LSS: variants seen among roughly 807,000 people sequenced by gnomAD.
LSS encodes 2,3-epoxysqualene-lanosterol cyclase.
A neutral mutation model predicts 110.3 loss-of-function variants in LSS; 90 were observed. That is an observed-to-expected ratio of 0.82 (90% CI 0.69 to 0.97). The LOEUF (loss-of-function observed/expected upper bound fraction) is 0.97. Among genes scored for constraint, LSS ranks in the 50% least tolerant of loss-of-function variants. LSS has a pLI of 0.00. For synonymous variants in LSS, 433 were observed against 400.0 expected, an observed-to-expected ratio of 1.08 and a Z score of -0.98; for missense variants, 927 against 990.0, an observed-to-expected ratio of 0.94 and a Z score of 0.85.
At position 46,190,927 on chromosome 21, in the gene LSS, TA is replaced by T; in HGVS notation, c.*176del. ...GAACCTACAGTAAAAATCAAGAGTC[TA>T]AGCCACCCACCCTGTCCCCATCCCT... On this transcript the variant is annotated 3_prime_UTR_variant, in exon 22 of 22. Coordinates refer to ENST00000397728, the MANE Select transcript of LSS (RefSeq NM_002340.6). The surrounding 1 kb of genome is among the most constrained non-coding windows in gnomAD (Gnocchi z 4.6). 1.5e-6 allele frequency: 1 copy of T among 676,032 alleles called. No individual in the cohort carries two copies. The highest frequency in any genetic ancestry group is 2.4e-6 in the Non-Finnish European group (1 of 419,768). 41.9% of individuals were successfully genotyped at this position (676,032 alleles called of 1,614,324 possible).
At chr21:46,228,671 G>A (rs1398431064) in intron 1 of LSS, 61 bp downstream of exon 1, 1 of 1,599,780 alleles carries the variant, frequency 6.3e-7, no homozygotes, top group East Asian at 2.2e-5. Context: ...CCCCAGTCGC[G>A]CTCTCCTCAG....
intron 16 of LSS, 75 bp from the exon 17 acceptor site, chr21:46,206,016 C>T (rs1411211179): frequency 8.5e-7 from 1 of 1,169,758 alleles, no homozygotes; most frequent in Non-Finnish European, 1.2e-6. Context: ...GGCAAAGCCA[C>T]AACAAGCAAG....
At chr21:46,214,056 GGCCACA>G (rs2080169095) in intron 9 of LSS, among the ~76,000 whole-genome samples, 1 of 152,242 alleles carries the variant, frequency 6.6e-6, no homozygotes, top group African/African-American at 2.4e-5. Flanking sequence ...TGTCGGCCAA[GGCCACA>G]GCCTGCCTTA....
Position 46,219,388 on chromosome 21 carries a change from C to T in LSS, c.647+88G>A, listed in dbSNP as rs527896110. The T allele has an allele frequency of 9.0e-6, 8 of 885,846 alleles. No individual in the cohort carries two copies. In the East Asian group the frequency reaches 2.5e-4, roughly 27 times the overall value. 54.9% of individuals were successfully genotyped at this position (885,846 alleles called of 1,614,324 possible). A position where few individuals can be genotyped will look rare whatever the true frequency, so the allele number is the denominator to read the frequency against. Reference sequence around the variant, plus strand: ...CAGAATGCCCACCCCTCTCTGCTGTCACAGCCTGCACCTGACCCACGGTCC... The same window carrying T: ...CAGAATGCCCACCCCTCTCTGCTGTTACAGCCTGCACCTGACCCACGGTCC... On this transcript the variant is annotated intron_variant, in intron 6 of 21. Transcript: ENST00000397728.
At chr21:46,206,636 C>T (rs370005781) in intron 16 of LSS, 36 bp downstream of exon 16, 10 of 1,567,220 alleles carry the variant, frequency 6.4e-6, no homozygotes, top group African/African-American at 2.7e-5. Context: ...TAGCCAGCCC[C>T]GGGTTTGCGC....
chr21:46,203,518 T>G (rs141920880), intron 17 of LSS, among the ~76,000 whole-genome samples: 18 of 152,382 alleles, frequency 1.2e-4, no homozygotes, highest in African/African-American at 2.9e-4. Context: ...CTCTGTATTT[T>G]GCAAGTCTTG....
In LSS at chr21:46,209,711, T is replaced by A. The variant is rs1601431212; in HGVS notation, c.1195-86A>T. On this transcript the variant is annotated intron_variant, in intron 12 of 21. Transcript: ENST00000397728. The surrounding 1 kb of genome is among the most constrained non-coding windows in gnomAD (Gnocchi z 4.4). ...TGGTTTCCCGATGGTCCTGGCCACA[T>A]CCTGCCCCAACCGGGGACCAGAATC... 8.5e-7 allele frequency: 1 copy of A among 1,182,726 alleles called. No homozygotes were observed. The highest frequency in any genetic ancestry group is 1.2e-6 in the Non-Finnish European group (1 of 816,122). The allele number at this position is 1,182,726 out of a possible 1,614,324, so 73.3% of individuals were successfully genotyped here.
chr21:46,214,081 G>A (rs756673259), intron 9 of LSS, among the ~76,000 whole-genome samples: 6 of 152,246 alleles, frequency 3.9e-5, no homozygotes, highest in Non-Finnish European at 7.3e-5. Context: ...TAGGCTGTGA[G>A]AAGGAGCAGC....
Position 46,206,708 on chromosome 21 carries a change from GC to G in LSS, c.1527del (p.His510ThrfsTer6). ...GFATYETKRG[G>X]HLLELLNPSE... ...GAGGGGTTCAGCAGCTCCAGCAAGTGCCCCCCACGCTTGGTCTCATAGGTGG... is the reference window on the plus strand; with the variant it reads ...GAGGGGTTCAGCAGCTCCAGCAAGTGCCCCCACGCTTGGTCTCATAGGTGG... On this transcript the variant is annotated frameshift_variant, in exon 16 of 22. Transcript: ENST00000397728. LOFTEE classifies it high-confidence loss of function. 2.5e-6 allele frequency: 4 copies of G among 1,612,940 alleles called. No individual in the cohort carries two copies.
chr21:46,192,136 C>G, intron 20 of LSS, 177 bp from the exon 21 acceptor site: 1 of 633,260 alleles, frequency 1.6e-6, no homozygotes. Flanking sequence ...TCTTGCCACA[C>G]CTTCTTCCTA....
At chr21:46,192,894 T>C in intron 20 of LSS, 1 of 444,660 alleles carries the variant, frequency 2.2e-6, no homozygotes, top group South Asian at 1.6e-5. Context: ...TGCCTGTGCA[T>C]GTGTACATGT....
chr21:46,200,325 C>A (rs2079963238), intron 17 of LSS, among the ~76,000 whole-genome samples: 1 of 152,072 alleles, frequency 6.6e-6, no homozygotes, highest in Middle Eastern at 3.2e-3. Flanking sequence ...CAAATGCTAA[C>A]ACTAACAGGT....
intron 20 of LSS, chr21:46,192,299 CACTT>C (rs1440673396): frequency 4.5e-6 from 2 of 440,608 alleles, no homozygotes; most frequent in Non-Finnish European, 8.4e-6. Context: ...CAGGAGCTCA[CACTT>C]GCTTGCTGGC....
chr21:46,204,026 C>CCCACCTGTAA, intron 17 of LSS, among the ~76,000 whole-genome samples: 4 of 152,308 alleles, frequency 2.6e-5, no homozygotes, highest in Admixed American at 1.3e-4. Flanking sequence ...AGTGTGGTGG[C>CCCACCTGTAA]TCACACCTGT....
At position 46,207,505 on chromosome 21, in the gene LSS, C is replaced by G; in HGVS notation, c.1390G>C (p.Val464Leu). ...GGACACTTCTCCTGCAGGAGCAGCA[C>G]AGCCTTCAAGGCCTCAGCCGTGCAG... ...SDCTAEALKA[V>L]LLLQEKCPHV... The change falls in exon 15 of 22, where the codon GTG becomes CTG. Residue 464 changes from valine (V) to leucine (L), a missense_variant. Coordinates refer to ENST00000397728, the MANE Select transcript of LSS (RefSeq NM_002340.6). 1 of 1,612,456 alleles carries G rather than the reference C, an allele frequency of 6.2e-7. No homozygotes were observed. The highest frequency in any genetic ancestry group is 8.5e-7 in the Non-Finnish European group (1 of 1,179,500).
At chr21:46,215,109 G>C (rs753001459) in intron 9 of LSS, 71 bp downstream of exon 9, 2 of 1,300,600 alleles carry the variant, frequency 1.5e-6, no homozygotes, top group Non-Finnish European at 1.1e-6. Flanking sequence ...CTCACAGCCC[G>C]GCCTCTAGGA....
chr21:46,220,193 C>CTT (rs1274469314), intron 5 of LSS: 1 of 152,342 alleles, frequency 6.6e-6, no homozygotes, highest in East Asian at 1.9e-4. Flanking sequence ...ATGCAAAAGT[C>CTT]AATAAAGACC....
intron 13 of LSS, among the ~76,000 whole-genome samples, chr21:46,208,719 C>A (rs1008821411): frequency 6.6e-6 from 1 of 152,116 alleles, no homozygotes; most frequent in Admixed American, 6.5e-5. Flanking sequence ...CCTGGAGTGC[C>A]GTAGGGTTCA....
chr21:46,202,211 G>A (rs1314756748), intron 17 of LSS, among the ~76,000 whole-genome samples: 110 of 143,014 alleles, frequency 7.7e-4, no homozygotes, highest in African/African-American at 2.6e-3. Context: ...TGGCTAAAAC[G>A]GTGAAACCCC....
Sources: allele counts gnomAD v4.1 joint callset (sites outside exome capture counted in the v4.1 genomes callset), GRCh38; gene constraint gnomAD v4.1.1; non-coding constraint Gnocchi (gnomAD v3.1); transcripts MANE v1.5; gene names NCBI Gene and HGNC (gene_info 2026-07-23, HGNC 2026-07-21).